Variants in ARMCX4 observed in about 807,000 individuals in gnomAD.
ARMCX4 encodes armadillo repeat-containing X-linked protein 4.
A neutral mutation model predicts 34.7 loss-of-function variants in ARMCX4; 3 were observed. That is an observed-to-expected ratio of 0.09 (90% CI 0.04 to 0.22). The LOEUF (loss-of-function observed/expected upper bound fraction) is 0.22, where lower values mean the gene tolerates loss of function less well. ARMCX4 is among the 10% of genes least tolerant of loss of function. The pLI is 1.00. For missense variants in ARMCX4, 1,448 were observed against 1,720.8 expected, an observed-to-expected ratio of 0.84 and a Z score of 2.81; for synonymous variants, 513 against 632.8, an observed-to-expected ratio of 0.81 and a Z score of 2.84.
chrX:101,432,960 ATATGTG>A (rs1320386206), intron 2 of ARMCX4, among the ~76,000 whole-genome samples: 1 of 45,805 alleles, frequency 2.2e-5, no homozygotes, highest in South Asian at 7.6e-4. Flanking sequence ...ACATGTATAC[ATATGTG>A]TATATGTGTA....
Position 101,490,613 on chromosome X carries a change from G to T in ARMCX4, c.2024G>T (p.Ser675Ile). The T allele has an allele frequency of 8.7e-7, 1 of 1,155,125 alleles. No individual in the cohort carries two copies. The highest frequency in any genetic ancestry group is 1.1e-6 in the Non-Finnish European group (1 of 872,588). The change falls in exon 6 of 6, where the codon AGT becomes ATT. Residue 675 changes from serine (S) to isoleucine (I), a missense_variant. Ser to Ile is a moderately radical substitution (Grantham distance 142). This residue lies in a region of ARMCX4 where 1,343 missense variants were observed against 1,540.7 expected (regional missense o/e 0.87). Coordinates refer to ENST00000423738, the MANE Select transcript of ARMCX4 (RefSeq NM_001256155.3). ...ACTGCCCAGCTTCAGATTATGGCCA[G>T]TTCCAAGGGTGAGGCCTTGCTTGAT... Reference protein sequence around the residue: ...MGTAQLQIMASSKGEALLDSK... With the variant: ...MGTAQLQIMAISKGEALLDSK...
intron 11 of ARMCX4, among the ~76,000 whole-genome samples, chrX:101,512,831 T>C (rs1007236280): frequency 5.8e-5 from 5 of 86,850 alleles, no homozygotes; most frequent in African/African-American, 9.3e-5. Flanking sequence ...TATATACACA[T>C]ATATATATGT....
chrX:101,530,357 A>G (rs1342244175), intron 11 of ARMCX4, among the ~76,000 whole-genome samples: 13 of 111,747 alleles, frequency 1.2e-4, no homozygotes, highest in African/African-American at 4.2e-4. Context: ...TGGGGAAGGG[A>G]TAGCATTAGG....
chrX:101,527,873 C>T (rs782328706), intron 11 of ARMCX4, among the ~76,000 whole-genome samples: 5 of 111,270 alleles, frequency 4.5e-5, no homozygotes, highest in East Asian at 2.8e-4. Context: ...CAGGACCAGA[C>T]GGATTCACAG....
intron 11 of ARMCX4, among the ~76,000 whole-genome samples, chrX:101,522,159 T>C (rs1245886795): frequency 8.9e-6 from 1 of 111,877 alleles, no homozygotes; most frequent in Non-Finnish European, 1.9e-5. Context: ...CTACTTTTGC[T>C]TTATGTATTT....
intron 10 of ARMCX4, among the ~76,000 whole-genome samples, chrX:101,510,480 G>A (rs1393259933): frequency 3.6e-5 from 4 of 111,939 alleles, no homozygotes; most frequent in African/African-American, 1.3e-4. Context: ...TGAGGTACTT[G>A]GAGTGGAAGG....
At chrX:101,481,689 A>C (rs1413229155), upstream of ARMCX4, among the ~76,000 whole-genome samples, 5 of 111,613 alleles carry the variant, frequency 4.5e-5, no homozygotes, top group African/African-American at 1.3e-4. Context: ...GCAATATCAA[A>C]TGTATAAAAT....
At chrX:101,481,519 C>T (rs1556005412), upstream of ARMCX4, among the ~76,000 whole-genome samples, 2 of 111,112 alleles carry the variant, frequency 1.8e-5, no homozygotes, top group African/African-American at 6.5e-5. Flanking sequence ...TGAACATGAC[C>T]CCATTATAAG....
chrX:101,484,233 G>T (rs1556005987), upstream of ARMCX4, among the ~76,000 whole-genome samples: 1 of 111,282 alleles, frequency 9.0e-6, no homozygotes, highest in African/African-American at 3.3e-5. Context: ...GGAAAATATT[G>T]AACACTCGCC....
downstream of ARMCX4, among the ~76,000 whole-genome samples, chrX:101,447,233 C>T (rs781960374): frequency 8.9e-6 from 1 of 112,390 alleles, no homozygotes; most frequent in East Asian, 2.8e-4. Flanking sequence ...GGAAGCATGT[C>T]ACTAAGTCCA....
At position 101,488,068 on chromosome X, in the gene ARMCX4, G is replaced by A; in HGVS notation, c.-178G>A. On this transcript the variant is annotated 5_prime_UTR_variant, in exon 5 of 6. Transcript: ENST00000423738. The stretch of plus-strand genomic sequence containing the variant: ...GGGTGTACTGCCAAGAGAAGCAAGA[G>A]GAGAGGAGGGAACTGCCTCGGATCA... 1.1e-6 allele frequency: 1 copy of A among 942,643 alleles called. No individual in the cohort carries two copies. Among genetic ancestry groups the A allele is most frequent in the African/African-American group, 2.0e-5 (1 of 49,980 alleles). 77.7% of individuals were successfully genotyped at this position (942,643 alleles called of 1,213,427 possible). A position where few individuals can be genotyped will look rare whatever the true frequency, so the allele number is the denominator to read the frequency against.
chrX:101,481,314 T>C (rs1193602918), upstream of ARMCX4, among the ~76,000 whole-genome samples: 30 of 112,213 alleles, frequency 2.7e-4, no homozygotes, highest in Admixed American at 2.7e-3. Context: ...TTTCTTTCAA[T>C]GTAGTATTCA....
At chrX:101,425,443 G>A (rs1042720514) in intron 2 of ARMCX4, among the ~76,000 whole-genome samples, 2 of 106,972 alleles carry the variant, frequency 1.9e-5, no homozygotes, top group Non-Finnish European at 3.9e-5. Flanking sequence ...GCCCAAGCTG[G>A]AGTGCAATGG....
chrX:101,533,831 G>A, downstream of ARMCX4, among the ~76,000 whole-genome samples: 1 of 111,406 alleles, frequency 9.0e-6, no homozygotes, highest in Admixed American at 9.6e-5. Flanking sequence ...CATTGTTCTA[G>A]AAGTACTAGT....
chrX:101,464,423 G>A, intron 4 of ARMCX4, among the ~76,000 whole-genome samples: 1 of 111,318 alleles, frequency 9.0e-6, no homozygotes, highest in Non-Finnish European at 1.9e-5. Flanking sequence ...AGAACATTTA[G>A]AAAATATATT....
chrX:101,434,152 G>T (rs1930513007), intron 2 of ARMCX4, among the ~76,000 whole-genome samples: 1 of 110,000 alleles, frequency 9.1e-6, no homozygotes, highest in African/African-American at 3.3e-5. Context: ...TCACCATGTT[G>T]CCCAGGCTGA....
chrX:101,456,801 T>C (rs1420842244), intron 4 of ARMCX4, among the ~76,000 whole-genome samples: 1 of 111,590 alleles, frequency 9.0e-6, no homozygotes, highest in East Asian at 2.8e-4. Context: ...AATTTTTCCT[T>C]TATAATTTGT....
intron 8 of ARMCX4, among the ~76,000 whole-genome samples, chrX:101,507,405 G>C (rs1413009787): frequency 2.7e-5 from 3 of 111,648 alleles, no homozygotes; most frequent in Non-Finnish European, 5.6e-5. Flanking sequence ...TTGGTACATA[G>C]TAATTGGCAT....
downstream of ARMCX4, chrX:101,495,871 G>T (rs781834584): frequency 8.5e-6 from 1 of 118,307 alleles, no homozygotes; most frequent in South Asian, 3.6e-4. Flanking sequence ...GAAACAAAAA[G>T]ATAGCAATAA....
Sources: gnomAD v4.1 joint callset for allele counts (sites outside exome capture counted in the v4.1 genomes callset) on GRCh38, gnomAD v4.1.1 for gene constraint, gnomAD v4.1.1 regional missense constraint, MANE v1.5 for transcripts, NCBI Gene and HGNC (gene_info 2026-07-23, HGNC 2026-07-21) for gene names.